The following TRIM44 variants were observed in gnomAD, a reference collection of about 807,000 sequenced individuals.
TRIM44 encodes the protein tripartite motif containing 44, also known as tripartite motif-containing protein 44.
TRIM44 carries 13 observed loss-of-function variants against 37.4 expected under a neutral mutation model. The observed-to-expected ratio is 0.35, with a 90% CI of 0.23 to 0.55. The LOEUF is 0.55. TRIM44 is among the 20% of genes least tolerant of loss of function. TRIM44 has a pLI of 0.89. For missense variants in TRIM44, 426 were observed against 437.2 expected, an observed-to-expected ratio of 0.97 and a Z score of 0.23; for synonymous variants, 175 against 157.2, an observed-to-expected ratio of 1.11 and a Z score of -0.85.
rs904923433 is a variant in TRIM44 at position 35,811,301 on chromosome 11, T to G, written c.*4916T>G. 1.3e-5 allele frequency: 2 copies of G among 152,196 alleles called. No homozygotes were observed. The highest frequency in any genetic ancestry group is 2.9e-5 in the Non-Finnish European group (2 of 68,032). The allele number at this position is 152,196 out of a possible 1,614,324, so 9.4% of individuals were successfully genotyped here. On this transcript the variant is annotated 3_prime_UTR_variant, in exon 5 of 5. Transcript: ENST00000299413. The stretch of plus-strand genomic sequence containing the variant: ...AAAGTAAAATGATCCAGGCCTAGAT[T>G]ACATTTTATGAGCAACTTAGATTAT...
intron 2 of TRIM44, chr11:35,724,352 C>G (rs555529541): frequency 6.6e-6 from 1 of 152,316 alleles, no homozygotes; most frequent in African/African-American, 2.4e-5. Flanking sequence ...AGATTGGAGT[C>G]TTTCCCTCTT....
chr11:35,804,527 A>G (rs1007652681), intron 4 of TRIM44, among the ~76,000 whole-genome samples: 1 of 152,234 alleles, frequency 6.6e-6, no homozygotes, highest in African/African-American at 2.4e-5. Context: ...CTTAGGGCAG[A>G]GTCACCATGC....
chr11:35,695,588 T>C (rs1332848023), intron 2 of TRIM44, among the ~76,000 whole-genome samples: 1 of 152,102 alleles, frequency 6.6e-6, no homozygotes, highest in Admixed American at 6.6e-5. Context: ...TTAGGATCCT[T>C]TTCATCCTTT....
intron 4 of TRIM44, among the ~76,000 whole-genome samples, chr11:35,738,105 A>T (rs1404736962): frequency 6.6e-6 from 1 of 152,178 alleles, no homozygotes; most frequent in Non-Finnish European, 1.5e-5. Flanking sequence ...GACCATGATA[A>T]AGAAAATACC....
At chr11:35,764,594 T>C (rs978273683) in intron 4 of TRIM44, among the ~76,000 whole-genome samples, 12 of 152,198 alleles carry the variant, frequency 7.9e-5, no homozygotes, top group African/African-American at 2.9e-4. Context: ...AGTGACACCA[T>C]GACCTTTGGC....
chr11:35,731,924 A>G (rs1168982146), intron 3 of TRIM44, among the ~76,000 whole-genome samples: 5 of 152,056 alleles, frequency 3.3e-5, no homozygotes, highest in Non-Finnish European at 7.4e-5. Flanking sequence ...GTTAAATGTC[A>G]TGTTTCTGGC....
At chr11:35,704,684 TA>T (rs1851848435) in intron 2 of TRIM44, among the ~76,000 whole-genome samples, 1 of 152,086 alleles carries the variant, frequency 6.6e-6, no homozygotes, top group Admixed American at 6.6e-5. Context: ...GAAGGAGAAA[TA>T]AAATACTTTA....
At chr11:35,788,111 C>T (rs1336077740) in intron 4 of TRIM44, among the ~76,000 whole-genome samples, 1 of 152,144 alleles carries the variant, frequency 6.6e-6, no homozygotes, top group Non-Finnish European at 1.5e-5. Context: ...CCAAGTTCCC[C>T]TTGGTCCTAC....
At chr11:35,755,620 G>T (rs1216955707) in intron 4 of TRIM44, among the ~76,000 whole-genome samples, 19 of 152,142 alleles carry the variant, frequency 1.2e-4, no homozygotes, top group African/African-American at 4.6e-4. Flanking sequence ...TTTTCTTCTA[G>T]GGTTTTTATG....
chr11:35,764,615 C>T (rs564675480), intron 4 of TRIM44, among the ~76,000 whole-genome samples: 12 of 152,232 alleles, frequency 7.9e-5, no homozygotes, highest in Admixed American at 4.6e-4. Context: ...AGAACCCGTT[C>T]GGCATCACAT....
chr11:35,736,536 A>C (rs1408013516), intron 4 of TRIM44, among the ~76,000 whole-genome samples: 1 of 152,188 alleles, frequency 6.6e-6, no homozygotes, highest in Non-Finnish European at 1.5e-5. Context: ...ACTAGCAAAA[A>C]CAGTTTCCTC....
chr11:35,715,425 T>TGTGG (rs1554930077), intron 2 of TRIM44, among the ~76,000 whole-genome samples: 9 of 150,718 alleles, frequency 6.0e-5, no homozygotes, highest in Admixed American at 2.0e-4. Context: ...TGTGTGTGTG[T>TGTGG]GTGTGGGTGT....
intron 2 of TRIM44, among the ~76,000 whole-genome samples, chr11:35,715,404 A>ATG (rs112688346): frequency 0.11 from 16,477 of 144,756 alleles, 1,712 homozygotes; most frequent in Admixed American, 0.26. Context: ...CTCTCTGTGT[A>ATG]TGTGTGTGTG....
chr11:35,702,948 G>A (rs570639381), intron 2 of TRIM44, among the ~76,000 whole-genome samples: 36 of 152,360 alleles, frequency 2.4e-4, no homozygotes, highest in Admixed American at 5.2e-4. Context: ...CCGAAGCAGG[G>A]CGAGGCATTG....
chr11:35,709,539 C>T (rs1386137341), intron 2 of TRIM44, among the ~76,000 whole-genome samples: 3 of 152,156 alleles, frequency 2.0e-5, no homozygotes, highest in African/African-American at 7.2e-5. Context: ...CTAACTGGAT[C>T]CAAGCCAATT....
chr11:35,723,005 TTCTC>T (rs1852127395), intron 2 of TRIM44, among the ~76,000 whole-genome samples: 2 of 151,784 alleles, frequency 1.3e-5, no homozygotes, highest in Admixed American at 6.6e-5. Context: ...CTCTCTCTCT[TTCTC>T]TCTCTACCTC....
chr11:35,798,248 G>A (rs1253200248), intron 4 of TRIM44, among the ~76,000 whole-genome samples: 1 of 152,156 alleles, frequency 6.6e-6, no homozygotes, highest in African/African-American at 2.4e-5. Flanking sequence ...GTGAGCAGAG[G>A]GATGACTTTG....
rs372734654 is a variant in TRIM44 at position 35,663,534 on chromosome 11, C to T, written c.423C>T (p.Ala141=). ...EEMEDEQESE[A]EEDNQEEGES... is the part of the protein sequence containing the mutation. ...TGGAGGATGAGCAAGAAAGCGAGGCCGAAGAAGACAACCAAGAAGAAGGGG... is the reference window on the plus strand; with the variant it reads ...TGGAGGATGAGCAAGAAAGCGAGGCTGAAGAAGACAACCAAGAAGAAGGGG... Residue 141 remains alanine, a synonymous_variant, in exon 1 of 5, where the codon GCC becomes GCT. Transcript: ENST00000299413. 16 of 1,609,102 alleles carry T rather than the reference C, an allele frequency of 9.9e-6. No homozygotes were observed. In the African/African-American group the frequency reaches 1.6e-4, roughly 16 times the overall value.
At chr11:35,763,649 A>G (rs1391817000) in intron 4 of TRIM44, among the ~76,000 whole-genome samples, 3 of 152,192 alleles carry the variant, frequency 2.0e-5, no homozygotes, top group Non-Finnish European at 2.9e-5. Flanking sequence ...AAGACCACAC[A>G]CTACTGGGAG....
Sources: allele counts gnomAD v4.1 joint callset (sites outside exome capture counted in the v4.1 genomes callset), GRCh38; gene constraint gnomAD v4.1.1; transcripts MANE v1.5; gene names NCBI Gene and HGNC (gene_info 2026-07-23, HGNC 2026-07-21).